Variants in CCPG1 observed in about 807,000 individuals in gnomAD.
CCPG1 encodes cell cycle progression protein 1.
A neutral mutation model predicts 81.3 loss-of-function variants in CCPG1; 46 were observed. That is an observed-to-expected ratio of 0.57 (90% CI 0.45 to 0.72). The LOEUF is 0.72. Among genes scored for constraint, CCPG1 ranks in the 30% least tolerant of loss-of-function variants. The probability of loss-of-function intolerance (pLI) is 0.00; values close to 1 mark genes in which losing one functional copy is unlikely to be tolerated. For missense variants in CCPG1, 902 were observed against 937.6 expected (o/e 0.96, Z 0.50); for synonymous variants, 330 against 305.2 (o/e 1.08, Z -0.85).
At position 55,400,869 on chromosome 15, in the gene CCPG1, T is replaced by C. The variant is rs145140114; in HGVS notation, c.-10+7352A>G. ...CTATTAGATTGTCATTACTGATTTG[T>C]AGTTCCTTATAAGTTGGGTCATGAA... On this transcript the variant is annotated intron_variant, in intron 1 of 8. Transcript: ENST00000442196. 8.8e-3 allele frequency among the ~76,000 whole-genome samples: 1,337 copies of C among 152,350 alleles called. 13 individuals carry two copies. The highest frequency in any genetic ancestry group is 0.02 in the Middle Eastern group (6 of 294).
At chr15:55,407,665 G>A (rs919327463) in intron 1 of CCPG1, among the ~76,000 whole-genome samples, 1 of 152,212 alleles carries the variant, frequency 6.6e-6, no homozygotes, top group Non-Finnish European at 1.5e-5. Context: ...GCTAAAGGAG[G>A]CCACTGGAAC....
Position 55,360,590 on chromosome 15 carries a change from C to G in CCPG1, c.1183G>C (p.Ala395Pro), listed in dbSNP as rs746245688. The G allele has an allele frequency of 6.2e-7, 1 of 1,614,156 alleles. No individual in the cohort carries two copies. ...ELERERLVTT[A>P]LRGELQQLSG... ...AACTGCTGGAGTTCCCCCCTTAAAGCCGTAGTTACTAGTCGTTCTCTCTCC... is the reference window on the plus strand; with the variant it reads ...AACTGCTGGAGTTCCCCCCTTAAAGGCGTAGTTACTAGTCGTTCTCTCTCC... Residue 395 changes from alanine (A) to proline (P), a missense_variant, in exon 8 of 9, where the codon GCT becomes CCT. This residue lies in a region of CCPG1 where 746 missense variants were observed against 728.6 expected (regional missense o/e 1.02). Coordinates refer to ENST00000442196, the MANE Select transcript of CCPG1 (RefSeq NM_001204450.2).
chr15:55,397,485 G>A (rs1280280263), intron 1 of CCPG1, among the ~76,000 whole-genome samples: 1 of 152,198 alleles, frequency 6.6e-6, no homozygotes, highest in Non-Finnish European at 1.5e-5. Flanking sequence ...CATGATGGTG[G>A]TTTGGACTAG....
At chr15:55,390,397 C>A (rs1183489656) in intron 1 of CCPG1, among the ~76,000 whole-genome samples, 2 of 152,132 alleles carry the variant, frequency 1.3e-5, no homozygotes, top group African/African-American at 4.8e-5. Context: ...CTTTTTGTAT[C>A]TGAAACTCCT....
chr15:55,383,559 T>C (rs532615036), intron 3 of CCPG1, among the ~76,000 whole-genome samples: 3 of 152,354 alleles, frequency 2.0e-5, no homozygotes, highest in East Asian at 1.9e-4. Context: ...CTTCTTCCAA[T>C]AGAAAGTTGT....
intron 1 of CCPG1, among the ~76,000 whole-genome samples, chr15:55,401,559 C>G (rs970978480): frequency 6.6e-6 from 1 of 151,368 alleles, no homozygotes; most frequent in Non-Finnish European, 1.5e-5. Context: ...CCCAGCTATT[C>G]GGGAGGCTGA....
At chr15:55,357,148 A>T in intron 8 of CCPG1, 1 of 965,166 alleles carries the variant, frequency 1.0e-6, no homozygotes, top group African/African-American at 1.8e-5. Flanking sequence ...CTCCACTTGA[A>T]TGTCAGTAGT....
Position 55,360,926 on chromosome 15 carries a change from C to A in CCPG1, c.847G>T (p.Ala283Ser). The A allele has an allele frequency of 6.5e-7, 1 of 1,537,126 alleles. No individual in the cohort carries two copies. The highest frequency in any genetic ancestry group is 1.3e-5 in the South Asian group (1 of 79,588). ...GCTTCAGTAAGTGTCCAACACCTTG[C>A]AAGATTTTCTTTCAATGACTACATT... ...IDYKSLKENL[A>S]RCWTLTEAEK... Residue 283 changes from alanine (A) to serine (S), a missense_variant, in exon 8 of 9, where the codon GCA becomes TCA. Around this residue, in one of 3 missense-constraint regions of CCPG1, gnomAD observed 746 missense variants for 728.6 expected, o/e 1.02. Coordinates refer to ENST00000442196, the MANE Select transcript of CCPG1 (RefSeq NM_001204450.2).
At chr15:55,363,332 G>C (rs1018970215) in intron 7 of CCPG1, among the ~76,000 whole-genome samples, 1 of 151,320 alleles carries the variant, frequency 6.6e-6, no homozygotes, top group African/African-American at 2.4e-5. Context: ...CTGGGCAACA[G>C]AGCGAGGCTC....
In CCPG1 at chr15:55,360,504, T is replaced by A. The variant is rs774945670; in HGVS notation, c.1269A>T (p.Glu423Asp). 5 of 1,614,164 alleles carry A rather than the reference T, an allele frequency of 3.1e-6. No homozygotes were observed. Among genetic ancestry groups the A allele is most frequent in the Non-Finnish European group, 4.2e-6 (5 of 1,180,032 alleles). The change falls in exon 8 of 9, where the codon GAA (glutamate) becomes GAT (aspartate). Residue 423 changes from glutamate (E) to aspartate (D), a missense_variant. Physicochemically the swap from Glu to Asp is conservative, Grantham distance 45. This residue lies in a region of CCPG1 where 746 missense variants were observed against 728.6 expected (regional missense o/e 1.02). Transcript: ENST00000442196. ...TGAGTCTTTCCCGTAAGATTGCTAT[T>A]TCCTTTTTTTCAGTATATACATTGG... is the stretch of plus-strand genomic sequence containing the variant. Reference protein sequence around the residue: ...DSPNVYTEKKEIAILRERLTE... With the variant: ...DSPNVYTEKKDIAILRERLTE...
chr15:55,405,844 T>C (rs542710873), intron 1 of CCPG1, among the ~76,000 whole-genome samples: 2 of 152,300 alleles, frequency 1.3e-5, no homozygotes, highest in African/African-American at 4.8e-5. Flanking sequence ...AACAGGGACT[T>C]TGCCTGTGTT....
chr15:55,363,944 C>T lies in CCPG1; in HGVS notation c.828+1244G>A, dbSNP rs777363032. On this transcript the variant is annotated intron_variant, in intron 7 of 8. Transcript: ENST00000442196. ...TAAGCCTCCCAAAAAGCTGGGATTA[C>T]AGGTATGTGCCACCACACCAGGCTG... 8.0e-5 allele frequency among the ~76,000 whole-genome samples: 12 copies of T among 149,390 alleles called. 1 individual carries two copies. The highest frequency in any genetic ancestry group is 1.6e-4 in the Non-Finnish European group (11 of 67,142).
intron 6 of CCPG1, among the ~76,000 whole-genome samples, chr15:55,366,760 G>GA (rs1029785974): frequency 3.3e-5 from 5 of 152,046 alleles, no homozygotes; most frequent in African/African-American, 1.2e-4. Flanking sequence ...CAACAAGAGC[G>GA]AAACTCCGTC....
Position 55,362,909 on chromosome 15 carries a change from C to T in CCPG1, c.829-1965G>A, listed in dbSNP as rs543241210. Reference sequence around the variant, plus strand: ...TTAAAAACCAAGTTGGACATGGTGGCGTGTGCTTGTGGTCGCAGCTACTTG... The same window carrying T: ...TTAAAAACCAAGTTGGACATGGTGGTGTGTGCTTGTGGTCGCAGCTACTTG... On this transcript the variant is annotated intron_variant, in intron 7 of 8. Coordinates refer to ENST00000442196, the MANE Select transcript of CCPG1 (RefSeq NM_001204450.2). 7.9e-5 allele frequency among the ~76,000 whole-genome samples: 12 copies of T among 151,972 alleles called. No individual in the cohort carries two copies. In the East Asian group the frequency reaches 1.2e-3, roughly 15 times the overall value.
rs1373753686 is a variant in CCPG1 at position 55,360,224 on chromosome 15, C to T, written c.1549G>A (p.Ala517Thr). 6.2e-7 allele frequency: 1 copy of T among 1,613,686 alleles called. No homozygotes were observed. Among genetic ancestry groups the T allele is most frequent in the South Asian group, 1.1e-5 (1 of 91,018 alleles). ...HKEKIKQAKE[A>T]VKENLKKFSD... ...AATTTTTTCAGATTTTCCTTCACAGCTTCTTTAGCCTGCTTAATTTTCTCT... is the reference window on the plus strand; with the variant it reads ...AATTTTTTCAGATTTTCCTTCACAGTTTCTTTAGCCTGCTTAATTTTCTCT... The change falls in exon 8 of 9, where the codon GCT becomes ACT. Residue 517 changes from alanine (A) to threonine (T), a missense_variant. Coordinates refer to ENST00000442196, the MANE Select transcript of CCPG1 (RefSeq NM_001204450.2).
rs1437720359 is a variant in CCPG1, at chr15:55,360,529, G to C, written c.1244C>G (p.Pro415Arg). Residue 415 changes from proline to arginine, a missense_variant, in exon 8 of 9, where the codon CCC (proline) becomes CGC (arginine). Physicochemically the swap from Pro to Arg is moderately radical, Grantham distance 103. Transcript: ENST00000442196. ...GSQLHGKSDS[P>R]NVYTEKKEIA... ...TTCCTTTTTTTCAGTATATACATTG[G>C]GAGAATCTGACTTGCCATGTAACTG... 2 of 1,613,938 alleles carry C rather than the reference G, an allele frequency of 1.2e-6. No homozygotes were observed. The highest frequency in any genetic ancestry group is 1.7e-6 in the Non-Finnish European group (2 of 1,180,002).
chr15:55,367,618 G>A (rs2056357944), intron 6 of CCPG1, among the ~76,000 whole-genome samples: 1 of 9,570 alleles, frequency 1.0e-4, no homozygotes, highest in Non-Finnish European at 4.1e-4. Context: ...CTGTTTGTAG[G>A]GTGGAAAAAA....
chr15:55,395,725 G>A (rs1408070143), intron 1 of CCPG1, among the ~76,000 whole-genome samples: 1 of 152,082 alleles, frequency 6.6e-6, no homozygotes, highest in African/African-American at 2.4e-5. Flanking sequence ...ATAGAATATT[G>A]TGCTGTAATT....
Position 55,372,043 on chromosome 15 carries a change from T to C in CCPG1, c.456A>G (p.Val152=). Residue 152 remains valine, a splice_region_variant and synonymous_variant, in exon 6 of 9, where the codon GTA becomes GTG. Transcript: ENST00000442196. The part of the protein sequence containing the change: ...SQYTFCQPET[V]FSSQPSDDES... ...CATCGTCACTAGGCTGAGATGAAAA[T>C]ACTATTAAGAAAAAAGTTGACATTT... The C allele has an allele frequency of 6.2e-7, 1 of 1,609,904 alleles. No homozygotes were observed.
Sources: gnomAD v4.1 joint callset for allele counts (sites outside exome capture counted in the v4.1 genomes callset) on GRCh38, gnomAD v4.1.1 for gene constraint, gnomAD v4.1.1 regional missense constraint, MANE v1.5 for transcripts, NCBI Gene and HGNC (gene_info 2026-07-23, HGNC 2026-07-21) for gene names.